The following SAMMSON variants were observed in gnomAD, a reference collection of about 807,000 sequenced individuals.
The protein encoded by SAMMSON is survival associated mitochondrial melanoma specific oncogenic non-coding RNA.
At chr3:70,402,969 T>TAA (rs1701152857) in intron 2 of SAMMSON, among the ~76,000 whole-genome samples, 1 of 152,124 alleles carries the variant, frequency 6.6e-6, no homozygotes, top group African/African-American at 2.4e-5. Flanking sequence ...ATGATAGATA[T>TAA]ATTTTCTTAA....
At chr3:70,262,973 C>T (rs1353731301) in intron 6 of SAMMSON, among the ~76,000 whole-genome samples, 1 of 152,128 alleles carries the variant, frequency 6.6e-6, no homozygotes, top group Admixed American at 6.5e-5. Context: ...GTCTAACCTG[C>T]TGTTAATACT....
At position 70,039,593 on chromosome 3, in the gene SAMMSON, T is replaced by TCACA. The variant is rs56058406; in HGVS notation, n.417+25969_417+25972dup. ...ATCCAATTCCTTAAAACACATCTCT[T>TCACA]CACACACACACACACACACACACAC... On this transcript the variant is annotated intron_variant and non_coding_transcript_variant, in intron 3 of 9. Transcript: ENST00000642114. 8.4e-3 allele frequency among the ~76,000 whole-genome samples: 1,133 copies of TCACA among 135,636 alleles called. 6 individuals carry two copies. Among genetic ancestry groups the TCACA allele is most frequent in the South Asian group, 0.011 (40 of 3,728 alleles). 89.0% of individuals were successfully genotyped at this position (135,636 alleles called of 152,430 possible).
At chr3:70,345,147 A>C (rs1224947754) in intron 7 of SAMMSON, among the ~76,000 whole-genome samples, 2 of 152,192 alleles carry the variant, frequency 1.3e-5, no homozygotes, top group African/African-American at 4.8e-5. Context: ...CACAGAGACC[A>C]TACTAATTTT....
chr3:70,166,986 T>G (rs1386022050), intron 4 of SAMMSON, among the ~76,000 whole-genome samples: 1 of 152,004 alleles, frequency 6.6e-6, no homozygotes, highest in Non-Finnish European at 1.5e-5. Context: ...GCCTCAAATG[T>G]AAGCTACACA....
At chr3:70,409,719 C>T (rs796497031) in intron 2 of SAMMSON, among the ~76,000 whole-genome samples, 6 of 152,216 alleles carry the variant, frequency 3.9e-5, no homozygotes, top group African/African-American at 1.4e-4. Flanking sequence ...TAAAAATGTA[C>T]TCCTGCTTTT....
At chr3:70,416,634 C>G (rs1559584798) in intron 2 of SAMMSON, among the ~76,000 whole-genome samples, 1 of 152,014 alleles carries the variant, frequency 6.6e-6, no homozygotes, top group Non-Finnish European at 1.5e-5. Flanking sequence ...TAACCAGCCA[C>G]ATAATTTCAT....
At chr3:70,130,082 C>G (rs901102517) in intron 4 of SAMMSON, among the ~76,000 whole-genome samples, 2 of 152,178 alleles carry the variant, frequency 1.3e-5, no homozygotes, top group African/African-American at 4.8e-5. Context: ...ACAGTGATGA[C>G]AGTCTCCCAT....
At chr3:70,369,811 T>C (rs1702952071) in intron 9 of SAMMSON, among the ~76,000 whole-genome samples, 1 of 151,872 alleles carries the variant, frequency 6.6e-6, no homozygotes, top group South Asian at 2.1e-4. Flanking sequence ...TTTCTATGTG[T>C]TGGGGGCATT....
At chr3:70,171,619 G>T (rs938210807) in intron 4 of SAMMSON, among the ~76,000 whole-genome samples, 2 of 151,796 alleles carry the variant, frequency 1.3e-5, no homozygotes, top group South Asian at 2.1e-4. Context: ...AGTCTTTGGG[G>T]GGGGGAGCTT....
At chr3:70,115,024 T>C (rs1465865277) in intron 4 of SAMMSON, among the ~76,000 whole-genome samples, 2 of 152,038 alleles carry the variant, frequency 1.3e-5, no homozygotes, top group East Asian at 3.9e-4. Context: ...GACCACAGTT[T>C]ATCTTGACTT....
chr3:70,076,543 G>T (rs1391682386), intron 4 of SAMMSON, among the ~76,000 whole-genome samples: 3 of 152,130 alleles, frequency 2.0e-5, no homozygotes, highest in African/African-American at 7.2e-5. Flanking sequence ...TGCAATTAGC[G>T]TGTGTGTGGT....
At chr3:70,220,374 T>A (rs1248543040) in intron 4 of SAMMSON, among the ~76,000 whole-genome samples, 1 of 151,964 alleles carries the variant, frequency 6.6e-6, no homozygotes, top group African/African-American at 2.4e-5. Flanking sequence ...GAAGCTGCAG[T>A]GCTGCAGTGA....
At chr3:70,102,982 C>T (rs969875635) in intron 4 of SAMMSON, among the ~76,000 whole-genome samples, 11 of 152,098 alleles carry the variant, frequency 7.2e-5, no homozygotes, top group Admixed American at 5.9e-4. Flanking sequence ...CTACTAAAAA[C>T]CATTTTTCTA....
chr3:70,418,999 C>CTCTCTCTCTT lies in SAMMSON; in HGVS notation n.234-43558_234-43557insCTCTCTTTCT, dbSNP rs1553664169. Among the ~76,000 whole-genome samples the CTCTCTCTCTT allele has an allele frequency of 5.5e-3, 650 of 119,240 alleles. 12 individuals are homozygous for CTCTCTCTCTT. The highest frequency in any genetic ancestry group is 8.9e-3 in the African/African-American group (256 of 28,632). 78.2% of individuals were successfully genotyped at this position (119,240 alleles called of 152,430 possible). On this transcript the variant is annotated intron_variant and non_coding_transcript_variant, in intron 2 of 3. Coordinates refer to the SAMMSON transcript ENST00000641053. Reference sequence around the variant, plus strand: ...CTTCCTTCTCTCTCTCTCTCTCTCTCTCTTTCTTTCTTTCTTTCCTTCTTT... The same window carrying CTCTCTCTCTT: ...CTTCCTTCTCTCTCTCTCTCTCTCTCTCTCTCTCTTTCTTTCTTTCTTTCTTTCCTTCTTT...
chr3:70,406,733 G>A (rs1214846409), intron 2 of SAMMSON, among the ~76,000 whole-genome samples: 2 of 152,128 alleles, frequency 1.3e-5, no homozygotes, highest in African/African-American at 4.8e-5. Flanking sequence ...AAGCTAATGG[G>A]CTGATGGAGG....
chr3:70,298,028 A>G (rs555621914), intron 7 of SAMMSON, among the ~76,000 whole-genome samples: 1 of 152,134 alleles, frequency 6.6e-6, no homozygotes, highest in Non-Finnish European at 1.5e-5. Flanking sequence ...AATCAGGGTC[A>G]CATCTAAGAT....
chr3:70,370,087 T>C (rs553614731), intron 9 of SAMMSON, among the ~76,000 whole-genome samples: 4 of 152,004 alleles, frequency 2.6e-5, no homozygotes, highest in African/African-American at 9.6e-5. Flanking sequence ...GCCTGACATA[T>C]TTTACTTAAC....
At chr3:70,300,851 A>G (rs895270098) in intron 7 of SAMMSON, among the ~76,000 whole-genome samples, 1 of 152,044 alleles carries the variant, frequency 6.6e-6, no homozygotes, top group Non-Finnish European at 1.5e-5. Flanking sequence ...CCAAATTTGG[A>G]CACTCCAAGG....
intron 2 of SAMMSON, among the ~76,000 whole-genome samples, chr3:70,396,253 A>T (rs1475118740): frequency 6.6e-6 from 1 of 152,226 alleles, no homozygotes; most frequent in Non-Finnish European, 1.5e-5. Flanking sequence ...AATATGAAAT[A>T]TTACAATATG....
Sources: gnomAD v4.1 joint callset for allele counts (sites outside exome capture counted in the v4.1 genomes callset) on GRCh38, gnomAD v4.1.1 for gene constraint, MANE v1.5 for transcripts, NCBI Gene and HGNC (gene_info 2026-07-23, HGNC 2026-07-21) for gene names.